DLGAP2: variants seen among roughly 807,000 people sequenced by gnomAD.
DLGAP2 encodes the protein DLG associated protein 2, also known as disks large-associated protein 2.
A neutral mutation model predicts 100.3 loss-of-function variants in DLGAP2; 26 were observed. The ratio of observed to expected loss-of-function variants is 0.26; its 90% confidence interval spans 0.19 to 0.36. The LOEUF is 0.36. Among genes scored for constraint, DLGAP2 ranks in the 10% least tolerant of loss-of-function variants. The pLI is 1.00. For missense variants in DLGAP2, 1,858 were observed against 1,453.2 expected (o/e 1.28, Z -4.53); for synonymous variants, 886 against 630.1 (o/e 1.41, Z -6.08).
chr8:1,644,257 G>A (rs1034645692), intron 8 of DLGAP2, among the ~76,000 whole-genome samples: 12 of 152,326 alleles, frequency 7.9e-5, no homozygotes, highest in Non-Finnish European at 1.5e-4. Flanking sequence ...AAGGCAGCCT[G>A]ACCCTAAGCC....
chr8:1,100,830 G>T (rs1365829739), intron 2 of DLGAP2, among the ~76,000 whole-genome samples: 2 of 152,190 alleles, frequency 1.3e-5, no homozygotes, highest in East Asian at 3.8e-4. Context: ...CTTGAAAATG[G>T]ATTCAATTTC....
intron 5 of DLGAP2, among the ~76,000 whole-genome samples, chr8:1,556,723 G>C (rs1237484641): frequency 1.3e-5 from 2 of 152,202 alleles, no homozygotes; most frequent in Non-Finnish European, 2.9e-5. Flanking sequence ...AGAAAATAAA[G>C]TGGGCAGCTG....
chr8:1,543,383 G>T (rs1270221762), intron 4 of DLGAP2, among the ~76,000 whole-genome samples: 1 of 152,158 alleles, frequency 6.6e-6, no homozygotes, highest in Non-Finnish European at 1.5e-5. Context: ...GTAAGATGGG[G>T]GTTAAATTCA....
At chr8:1,428,683 A>G (rs1219714881) in intron 3 of DLGAP2, among the ~76,000 whole-genome samples, 2 of 152,244 alleles carry the variant, frequency 1.3e-5, no homozygotes, top group Non-Finnish European at 2.9e-5. Context: ...GATGGCTCTC[A>G]ATCATGTAAG....
chr8:1,321,121 G>A (rs1396676014), intron 3 of DLGAP2, among the ~76,000 whole-genome samples: 1 of 151,988 alleles, frequency 6.6e-6, no homozygotes, highest in Non-Finnish European at 1.5e-5. Context: ...GTGTGTGTGT[G>A]CATCCATGTG....
At position 1,549,473 on chromosome 8, in the gene DLGAP2, C is replaced by G. The variant is rs979725209; in HGVS notation, c.1020C>G (p.Leu340=). 2 of 1,613,510 alleles carry G rather than the reference C, an allele frequency of 1.2e-6. No homozygotes were observed. The highest frequency in any genetic ancestry group is 1.7e-6 in the Non-Finnish European group (2 of 1,179,808). Reference sequence around the variant, plus strand: ...AGAGCCCCTTCGGGGACCTGTCCCTCAAGACCTCCAAGAGCAACAACGACG... The same window carrying G: ...AGAGCCCCTTCGGGGACCTGTCCCTGAAGACCTCCAAGAGCAACAACGACG... ...ALQSPFGDLS[L]KTSKSNNDVK... The change falls in exon 5 of 15, where the codon CTC becomes CTG. Residue 340 remains leucine, a synonymous_variant. Coordinates refer to ENST00000637795, the MANE Select transcript of DLGAP2 (RefSeq NM_001346810.2).
At chr8:1,503,673 C>T (rs1284970095) in intron 4 of DLGAP2, among the ~76,000 whole-genome samples, 1 of 152,102 alleles carries the variant, frequency 6.6e-6, no homozygotes, top group Non-Finnish European at 1.5e-5. Context: ...GATGCTTCCT[C>T]GTTTTGAGGA....
At chr8:919,004 G>T (rs961737862) in intron 2 of DLGAP2, among the ~76,000 whole-genome samples, 1 of 152,042 alleles carries the variant, frequency 6.6e-6, no homozygotes, top group Non-Finnish European at 1.5e-5. Context: ...GCAGTGGTGC[G>T]ATCAGAACTC....
At chr8:1,453,077 A>G (rs1798206757) in intron 3 of DLGAP2, among the ~76,000 whole-genome samples, 1 of 152,044 alleles carries the variant, frequency 6.6e-6, no homozygotes, top group South Asian at 2.1e-4. Context: ...GACACAAATG[A>G]CCAGAAGAGA....
intron 2 of DLGAP2, among the ~76,000 whole-genome samples, chr8:1,028,321 G>A (rs1406829268): frequency 7.5e-6 from 1 of 133,312 alleles, no homozygotes; most frequent in Non-Finnish European, 1.6e-5. Context: ...TCAGGCGCCC[G>A]TTATTCTCCA....
chr8:1,072,132 A>C (rs1803451358), intron 2 of DLGAP2, among the ~76,000 whole-genome samples: 1 of 152,196 alleles, frequency 6.6e-6, no homozygotes, highest in African/African-American at 2.4e-5. Flanking sequence ...GTCAAGGCAC[A>C]CAGTGGAGGG....
In DLGAP2 at chr8:1,706,586, C is replaced by T. The variant is rs1799710853; in HGVS notation, c.*5180C>T. 2 of 152,222 alleles carry T rather than the reference C, an allele frequency of 1.3e-5. No individual in the cohort carries two copies. The highest frequency in any genetic ancestry group is 4.8e-5 in the African/African-American group (2 of 41,452). 9.4% of individuals were successfully genotyped at this position (152,222 alleles called of 1,614,324 possible). On this transcript the variant is annotated 3_prime_UTR_variant, in exon 15 of 15. Coordinates refer to ENST00000637795, the MANE Select transcript of DLGAP2 (RefSeq NM_001346810.2). Reference sequence around the variant, plus strand: ...CTACAAGGGCCATTCTCCTTAGCTTCTGGCTTTCAACTGTTTCTAGATGCT... The same window carrying T: ...CTACAAGGGCCATTCTCCTTAGCTTTTGGCTTTCAACTGTTTCTAGATGCT...
intron 1 of DLGAP2, among the ~76,000 whole-genome samples, chr8:787,962 C>T (rs1184617367): frequency 7.6e-6 from 1 of 131,830 alleles, no homozygotes; most frequent in African/African-American, 3.2e-5. Context: ...GCGTCCCTGT[C>T]CACCTCCAAG....
intron 1 of DLGAP2, among the ~76,000 whole-genome samples, chr8:835,482 C>T (rs1046711452): frequency 1.3e-5 from 2 of 151,778 alleles, no homozygotes; most frequent in Non-Finnish European, 2.9e-5. Context: ...CCACCCCACC[C>T]CTCTCTCCAT....
intron 1 of DLGAP2, among the ~76,000 whole-genome samples, chr8:874,385 G>GC (rs1797652357): frequency 1.3e-5 from 2 of 151,920 alleles, no homozygotes. Context: ...ATCTCATAAG[G>GC]TTTGATGTGT....
chr8:1,279,624 C>T (rs986096638), intron 3 of DLGAP2, among the ~76,000 whole-genome samples: 1 of 152,228 alleles, frequency 6.6e-6, no homozygotes, highest in Non-Finnish European at 1.5e-5. Flanking sequence ...AATGGCGTAG[C>T]TGGGTCTTCA....
intron 3 of DLGAP2, among the ~76,000 whole-genome samples, chr8:1,428,514 A>C (rs532219250): frequency 1.3e-5 from 2 of 152,230 alleles, no homozygotes; most frequent in Non-Finnish European, 2.9e-5. Context: ...TCTTGGTAAC[A>C]AAACAGGCCA....
chr8:820,765 T>G (rs370611636), intron 1 of DLGAP2, among the ~76,000 whole-genome samples: 1 of 152,158 alleles, frequency 6.6e-6, no homozygotes, highest in Non-Finnish European at 1.5e-5. Context: ...CATTAAAAAA[T>G]GTATGCAGAA....
intron 3 of DLGAP2, among the ~76,000 whole-genome samples, chr8:1,350,785 G>A (rs1157145760): frequency 1.8e-5 from 1 of 55,030 alleles, no homozygotes; most frequent in African/African-American, 6.0e-5. Context: ...TGGAAAGGCC[G>A]TGCGGGTCCT....
Sources: gnomAD v4.1 joint callset for allele counts (sites outside exome capture counted in the v4.1 genomes callset) on GRCh38, gnomAD v4.1.1 for gene constraint, MANE v1.5 for transcripts, NCBI Gene and HGNC (gene_info 2026-07-23, HGNC 2026-07-21) for gene names.